Variants in DZIP1 observed in about 807,000 individuals in gnomAD.
The protein encoded by DZIP1 is cilium assembly protein DZIP1.
In DZIP1, 97 loss-of-function variants were observed where a neutral mutation model predicts 107.6. That is an observed-to-expected ratio of 0.90 (90% CI 0.77 to 1.07). The LOEUF (loss-of-function observed/expected upper bound fraction) is 1.07. Ranked by LOEUF, DZIP1 falls within the 50% of genes least tolerant of loss-of-function variation. The pLI is 0.00. For missense variants in DZIP1, 1,035 were observed against 1,063.6 expected, an observed-to-expected ratio of 0.97 and a Z score of 0.37; for synonymous variants, 390 against 386.4, an observed-to-expected ratio of 1.01 and a Z score of -0.11.
At chr13:95,586,276 T>C (rs191010243) in intron 20 of DZIP1, 140 bp from the exon 21 acceptor site, 9 of 683,846 alleles carry the variant, frequency 1.3e-5, no homozygotes, top group African/African-American at 7.5e-5. Flanking sequence ...AATCAGTTGA[T>C]GTACTTTGGG....
chr13:95,595,987 A>G (rs2044446044), intron 15 of DZIP1, among the ~76,000 whole-genome samples: 1 of 152,078 alleles, frequency 6.6e-6, no homozygotes, highest in Non-Finnish European at 1.5e-5. Context: ...GAGTTCCCCA[A>G]ACTACTGCAG....
chr13:95,596,628 C>A (rs530543784), intron 15 of DZIP1, among the ~76,000 whole-genome samples: 8 of 152,312 alleles, frequency 5.3e-5, no homozygotes, highest in African/African-American at 1.9e-4. Flanking sequence ...TTAAACTCAA[C>A]AACCTGAAGC....
chr13:95,632,369 C>A (rs1168928265), intron 6 of DZIP1, among the ~76,000 whole-genome samples: 1 of 152,148 alleles, frequency 6.6e-6, no homozygotes, highest in Non-Finnish European at 1.5e-5. Flanking sequence ...CAGAAAGCAT[C>A]ACCATTCACC....
intron 5 of DZIP1, among the ~76,000 whole-genome samples, chr13:95,638,053 G>A (rs1878033230): frequency 6.6e-6 from 1 of 150,450 alleles, no homozygotes; most frequent in African/African-American, 2.4e-5. Flanking sequence ...TGCTATCTTG[G>A]AAATATAGCA....
chr13:95,594,186 T>A (rs978559794), intron 15 of DZIP1, 100 bp from the exon 16 acceptor site: 59 of 947,918 alleles, frequency 6.2e-5, no homozygotes, highest in Non-Finnish European at 8.5e-5. Flanking sequence ...AAGCAGCAAG[T>A]AAGTATTTGT....
At chr13:95,587,345 A>G (rs2138781623) in intron 20 of DZIP1, among the ~76,000 whole-genome samples, 194 bp downstream of exon 20, 1 of 152,284 alleles carries the variant, frequency 6.6e-6, no homozygotes, top group Admixed American at 6.5e-5. Flanking sequence ...TACACCAGGT[A>G]TCATTCCCAA....
chr13:95,603,121 A>AC (rs2139000282), intron 14 of DZIP1, among the ~76,000 whole-genome samples: 1 of 152,066 alleles, frequency 6.6e-6, no homozygotes, highest in South Asian at 2.1e-4. Context: ...GGTGTTTGAA[A>AC]CCAGCCTGGG....
intron 13 of DZIP1, 61 bp downstream of exon 13, chr13:95,609,396 A>G (rs1169889148): frequency 9.0e-7 from 1 of 1,113,740 alleles, no homozygotes; most frequent in East Asian, 2.8e-5. Context: ...AGTAAAAGTT[A>G]TGTTTTGGTT....
intron 9 of DZIP1, 93 bp downstream of exon 9, chr13:95,622,250 A>G: frequency 6.5e-7 from 1 of 1,533,308 alleles, no homozygotes; most frequent in Non-Finnish European, 8.9e-7. Context: ...ACTAAAAAAG[A>G]CAAACACTTT....
At chr13:95,595,989 C>G (rs896405018) in intron 15 of DZIP1, among the ~76,000 whole-genome samples, 44 of 152,150 alleles carry the variant, frequency 2.9e-4, no homozygotes, top group African/African-American at 1.0e-3. Context: ...GTTCCCCAAA[C>G]TACTGCAGAT....
chr13:95,604,457 G>T (rs886409651), intron 14 of DZIP1, among the ~76,000 whole-genome samples: 1 of 152,166 alleles, frequency 6.6e-6, no homozygotes, highest in Non-Finnish European at 1.5e-5. Flanking sequence ...CCATCCAAGG[G>T]CTGTAGGCCC....
chr13:95,631,910 C>G (rs1594734062), intron 6 of DZIP1, among the ~76,000 whole-genome samples: 1 of 152,206 alleles, frequency 6.6e-6, no homozygotes, highest in African/African-American at 2.4e-5. Context: ...CCAAGGTCAC[C>G]AACAACCGTC....
At chr13:95,633,404 C>A in intron 5 of DZIP1, 83 bp from the exon 6 acceptor site, 1 of 1,202,106 alleles carries the variant, frequency 8.3e-7, no homozygotes, top group Non-Finnish European at 1.2e-6. Context: ...GGTACCTGGC[C>A]AGGCACTGTG....
intron 13 of DZIP1, among the ~76,000 whole-genome samples, chr13:95,608,541 C>T (rs960966273): frequency 6.6e-6 from 1 of 151,534 alleles, no homozygotes; most frequent in African/African-American, 2.4e-5. Context: ...TAGTACTTGA[C>T]CTTTCTGTCC....
Position 95,642,248 on chromosome 13 carries a change from G to A in DZIP1, c.-212-7C>T. The A allele has an allele frequency of 3.8e-6, 2 of 519,664 alleles. No individual in the cohort carries two copies. The highest frequency in any genetic ancestry group is 6.5e-6 in the Non-Finnish European group (2 of 305,828). The allele number at this position is 519,664 out of a possible 1,614,324, so 32.2% of individuals were successfully genotyped here. On this transcript the variant is annotated splice_polypyrimidine_tract_variant and splice_region_variant and intron_variant, in intron 3 of 22. Coordinates refer to ENST00000376829, the MANE Select transcript of DZIP1 (RefSeq NM_198968.4). Reference sequence around the variant, plus strand: ...TCAGCGTGCACCCAGAACCCTGCGGGACCAGAGAAGACCTCTTGGACGAGC... The same window carrying A: ...TCAGCGTGCACCCAGAACCCTGCGGAACCAGAGAAGACCTCTTGGACGAGC...
At chr13:95,635,087 A>G (rs1310607600) in intron 5 of DZIP1, among the ~76,000 whole-genome samples, 1 of 151,552 alleles carries the variant, frequency 6.6e-6, no homozygotes, top group African/African-American at 2.4e-5. Flanking sequence ...TTTCATGCCC[A>G]TTGTGTCACT....
At position 95,632,675 on chromosome 13, in the gene DZIP1, C is replaced by T. The variant is rs141295634; in HGVS notation, c.685+559G>A. Among the ~76,000 whole-genome samples, 4 of 152,344 alleles carry T rather than the reference C, an allele frequency of 2.6e-5. No individual in the cohort carries two copies. In the East Asian group the frequency reaches 5.8e-4, roughly 22 times the overall value. ...CCACCTTACGCATATAAAAACTCCA[C>T]ATTCCAGCCCACGCCTTCACGGCTT... On this transcript the variant is annotated intron_variant, in intron 6 of 22. Transcript: ENST00000376829.
chr13:95,612,738 C>A (rs997661930), intron 10 of DZIP1, among the ~76,000 whole-genome samples: 1 of 152,178 alleles, frequency 6.6e-6, no homozygotes. Flanking sequence ...GCCCACACAA[C>A]CATACCTGGC....
At chr13:95,618,423 A>T (rs974361953) in intron 10 of DZIP1, among the ~76,000 whole-genome samples, 28 of 152,370 alleles carry the variant, frequency 1.8e-4, no homozygotes, top group African/African-American at 6.3e-4. Context: ...ATCACTATAA[A>T]GTATTTGCAT....
Sources: allele counts gnomAD v4.1 joint callset (sites outside exome capture counted in the v4.1 genomes callset), GRCh38; gene constraint gnomAD v4.1.1; transcripts MANE v1.5; gene names NCBI Gene and HGNC (gene_info 2026-07-23, HGNC 2026-07-21).